Variants in ZCCHC7 observed in about 807,000 individuals in gnomAD.
ZCCHC7 encodes the protein zinc finger CCHC-type containing 7.
In ZCCHC7, 35 loss-of-function variants were observed where a neutral mutation model predicts 52.0. The ratio of observed to expected loss-of-function variants is 0.67; its 90% CI spans 0.51 to 0.89. The LOEUF (loss-of-function observed/expected upper bound fraction) is 0.89. Among genes scored for constraint, ZCCHC7 ranks in the 40% least tolerant of loss-of-function variants. ZCCHC7 has a pLI of 0.00. For synonymous variants in ZCCHC7, 217 were observed against 221.5 expected, an observed-to-expected ratio of 0.98 and a Z score of 0.18; for missense variants, 574 against 649.1, an observed-to-expected ratio of 0.88 and a Z score of 1.26.
intron 2 of ZCCHC7, among the ~76,000 whole-genome samples, chr9:37,238,851 GA>G (rs1825765323): frequency 6.6e-6 from 1 of 152,084 alleles, no homozygotes; most frequent in Non-Finnish European, 1.5e-5. Context: ...TTGTAGTAGG[GA>G]AAACAAAAGC....
intron 7 of ZCCHC7, among the ~76,000 whole-genome samples, chr9:37,350,252 C>T (rs1821294281): frequency 6.6e-6 from 1 of 151,938 alleles, no homozygotes; most frequent in East Asian, 1.9e-4. Flanking sequence ...CCTCAGCCTC[C>T]CGAGTGGCTG....
chr9:37,257,756 G>GCT (rs1375532275), intron 2 of ZCCHC7, among the ~76,000 whole-genome samples: 1 of 151,982 alleles, frequency 6.6e-6, no homozygotes, highest in African/African-American at 2.4e-5. Context: ...AAACTGCTAA[G>GCT]CTCTCTCTCA....
At chr9:37,142,405 A>G (rs1588369196) in intron 2 of ZCCHC7, among the ~76,000 whole-genome samples, 1 of 151,704 alleles carries the variant, frequency 6.6e-6, no homozygotes, top group Admixed American at 6.6e-5. Flanking sequence ...TGTTAATTAC[A>G]GGTTTTTTCT....
Position 37,304,224 on chromosome 9 carries a change from A to C in ZCCHC7, c.691A>C (p.Thr231Pro). 6.2e-7 allele frequency: 1 copy of C among 1,613,626 alleles called. No individual in the cohort carries two copies. Among genetic ancestry groups the C allele is most frequent in the South Asian group, 1.1e-5 (1 of 91,010 alleles). The change falls in exon 4 of 9, where the codon ACC becomes CCC. Residue 231 changes from threonine to proline, a missense_variant. Transcript: ENST00000336755. ...IANNRTPGRW[T>P]QRYYSANKNI... is the part of the protein sequence containing the mutation. Reference sequence around the variant, plus strand: ...TAATAACCGAACACCTGGAAGATGGACCCAGCGGTACTATTCAGCCAACAA... The same window carrying C: ...TAATAACCGAACACCTGGAAGATGGCCCCAGCGGTACTATTCAGCCAACAA...
rs767867946 is a variant in ZCCHC7, at chr9:37,316,016, CA to C, written c.951+10315del. ...AATTGAGCCACGTCTTCCTCAGTCT[CA>C]AAAAAAAAAAAAGGGTTCCTTTTTG... is the stretch of plus-strand genomic sequence containing the variant. On this transcript the variant is annotated intron_variant, in intron 5 of 8. Transcript: ENST00000336755. 8.0e-3 allele frequency among the ~76,000 whole-genome samples: 1,053 copies of C among 131,682 alleles called. 6 individuals are homozygous for C. Among genetic ancestry groups the C allele is most frequent in the African/African-American group, 0.018 (671 of 36,302 alleles). 86.4% of individuals were successfully genotyped at this position (131,682 alleles called of 152,430 possible).
At chr9:37,275,259 T>C (rs1164923287) in intron 2 of ZCCHC7, among the ~76,000 whole-genome samples, 3 of 152,064 alleles carry the variant, frequency 2.0e-5, no homozygotes, top group Non-Finnish European at 1.5e-5. Context: ...AGTACTTCCT[T>C]GATTTTCTTT....
intron 2 of ZCCHC7, among the ~76,000 whole-genome samples, chr9:37,133,644 G>A (rs1372917442): frequency 6.6e-6 from 1 of 151,566 alleles, no homozygotes; most frequent in Admixed American, 6.6e-5. Context: ...CCTGGAGTGC[G>A]GTGGCGTTAT....
chr9:37,311,663 G>C (rs915980652), intron 5 of ZCCHC7, among the ~76,000 whole-genome samples: 12 of 152,170 alleles, frequency 7.9e-5, no homozygotes, highest in African/African-American at 2.7e-4. Flanking sequence ...GCCCGCCTTG[G>C]CCTCCCAAAG....
chr9:37,317,332 G>T (rs1344705707), intron 5 of ZCCHC7, among the ~76,000 whole-genome samples: 1 of 152,148 alleles, frequency 6.6e-6, no homozygotes, highest in Non-Finnish European at 1.5e-5. Context: ...AAAAGTCAGA[G>T]AAAAAAATTA....
At chr9:37,121,077 A>C (rs1220320750) in intron 1 of ZCCHC7, among the ~76,000 whole-genome samples, 3 of 151,968 alleles carry the variant, frequency 2.0e-5, no homozygotes, top group Admixed American at 1.3e-4. Flanking sequence ...GTAGAATCCA[A>C]AATTTCGGGA....
chr9:37,259,918 C>G (rs890716139), intron 2 of ZCCHC7, among the ~76,000 whole-genome samples: 1 of 152,110 alleles, frequency 6.6e-6, no homozygotes, highest in Admixed American at 6.5e-5. Flanking sequence ...ACAGTTGGTT[C>G]TCATACAAAA....
chr9:37,190,685 T>TC (rs557101015), intron 2 of ZCCHC7, among the ~76,000 whole-genome samples: 48 of 152,304 alleles, frequency 3.2e-4, no homozygotes, highest in Admixed American at 7.8e-4. Context: ...TGTATGGGTT[T>TC]CCCCATATTC....
chr9:37,194,102 G>A (rs553147659), intron 2 of ZCCHC7, among the ~76,000 whole-genome samples: 2 of 152,228 alleles, frequency 1.3e-5, no homozygotes, highest in East Asian at 3.9e-4. Flanking sequence ...TGTAGTTAGG[G>A]TGAAGTTTTC....
intron 2 of ZCCHC7, among the ~76,000 whole-genome samples, chr9:37,242,117 A>G (rs1825898323): frequency 6.6e-6 from 1 of 151,794 alleles, no homozygotes; most frequent in Non-Finnish European, 1.5e-5. Context: ...AGAGCATCCA[A>G]TAGCATTCCA....
In ZCCHC7 at chr9:37,342,089, G is replaced by A. The variant is rs1304072732; in HGVS notation, c.988-7268G>A. Among the ~76,000 whole-genome samples, 3 of 152,172 alleles carry A rather than the reference G, an allele frequency of 2.0e-5. No homozygotes were observed. In the East Asian group the frequency reaches 5.8e-4, roughly 29 times the overall value. On this transcript the variant is annotated intron_variant, in intron 6 of 8. Transcript: ENST00000336755. Reference sequence around the variant, plus strand: ...TGTAGAGGGCAGGGATAGAAGCGGAGAGACCAGTTATGATGTTCTTGTAAT... The same window carrying A: ...TGTAGAGGGCAGGGATAGAAGCGGAAAGACCAGTTATGATGTTCTTGTAAT...
chr9:37,330,402 A>AG (rs1830407948), intron 6 of ZCCHC7, among the ~76,000 whole-genome samples: 2 of 151,838 alleles, frequency 1.3e-5, no homozygotes, highest in South Asian at 4.1e-4. Context: ...ATCATTCTAA[A>AG]GGGTTCATGC....
chr9:37,225,455 A>G (rs1452199875), intron 2 of ZCCHC7, among the ~76,000 whole-genome samples: 2 of 152,166 alleles, frequency 1.3e-5, no homozygotes, highest in East Asian at 1.9e-4. Context: ...TAAGATTTGT[A>G]TTACTATTAC....
intron 2 of ZCCHC7, among the ~76,000 whole-genome samples, chr9:37,201,829 A>G (rs1823645595): frequency 6.6e-6 from 1 of 152,228 alleles, no homozygotes; most frequent in African/African-American, 2.4e-5. Flanking sequence ...AAAGCTATAG[A>G]AACAAAGAAG....
chr9:37,279,562 T>C (rs931424589), intron 2 of ZCCHC7, among the ~76,000 whole-genome samples: 3 of 152,060 alleles, frequency 2.0e-5, no homozygotes, highest in Non-Finnish European at 2.9e-5. Context: ...TGTGGACATA[T>C]TGATAATTAC....
Sources: gnomAD v4.1 joint callset for allele counts (sites outside exome capture counted in the v4.1 genomes callset) on GRCh38, gnomAD v4.1.1 for gene constraint, MANE v1.5 for transcripts, NCBI Gene and HGNC (gene_info 2026-07-23, HGNC 2026-07-21) for gene names.